The following PRKG1 variants were observed in gnomAD, a reference collection of about 807,000 sequenced individuals.
PRKG1 encodes cGMP-dependent protein kinase 1.
In PRKG1, 35 loss-of-function variants were observed where a neutral mutation model predicts 88.1. That is an observed-to-expected ratio of 0.40 (90% CI 0.30 to 0.53). PRKG1 has a LOEUF of 0.53. Ranked by LOEUF, PRKG1 falls within the 20% of genes least tolerant of loss-of-function variation. The pLI is 0.59. For synonymous variants in PRKG1, 303 were observed against 292.5 expected (o/e 1.04, Z -0.37); for missense variants, 540 against 839.8 (o/e 0.64, Z 4.41).
At chr10:51,457,938 A>T (rs1323290819) in intron 2 of PRKG1, among the ~76,000 whole-genome samples, 1 of 152,160 alleles carries the variant, frequency 6.6e-6, no homozygotes, top group African/African-American at 2.4e-5. Context: ...TCTCACCCCC[A>T]ACCTGCCCCA....
chr10:52,264,062 T>C (rs1841503249), intron 10 of PRKG1, among the ~76,000 whole-genome samples: 1 of 152,132 alleles, frequency 6.6e-6, no homozygotes, highest in African/African-American at 2.4e-5. Context: ...GTTTTATGGC[T>C]TCTGTATACC....
At chr10:51,478,546 T>C (rs1840266321) in intron 3 of PRKG1, among the ~76,000 whole-genome samples, 1 of 152,098 alleles carries the variant, frequency 6.6e-6, no homozygotes, top group African/African-American at 2.4e-5. Context: ...TTTATCTAAA[T>C]TTTGAATTTA....
At chr10:51,313,006 A>C (rs536123246) in intron 2 of PRKG1, among the ~76,000 whole-genome samples, 3 of 151,984 alleles carry the variant, frequency 2.0e-5, no homozygotes, top group African/African-American at 7.2e-5. Flanking sequence ...ACATGGGCTG[A>C]TATCATTATT....
intron 3 of PRKG1, among the ~76,000 whole-genome samples, chr10:51,616,084 T>C (rs965033321): frequency 2.0e-5 from 3 of 152,194 alleles, no homozygotes; most frequent in Non-Finnish European, 4.4e-5. Context: ...AACAGCATCA[T>C]TGTTATTTAT....
At chr10:52,207,795 A>G (rs538167964) in intron 9 of PRKG1, among the ~76,000 whole-genome samples, 166 of 152,228 alleles carry the variant, frequency 1.1e-3, no homozygotes, top group Non-Finnish European at 1.9e-3. Context: ...ATTGCTCATC[A>G]GCCCCATGCA....
chr10:52,239,345 T>TAA (rs35340011), intron 9 of PRKG1, among the ~76,000 whole-genome samples: 37,480 of 139,476 alleles, frequency 0.27, 5,826 homozygotes, highest in East Asian at 0.42. Flanking sequence ...TAAATAAAAT[T>TAA]AAAAAAAAAA....
At chr10:51,372,024 C>T (rs1448676716) in intron 2 of PRKG1, among the ~76,000 whole-genome samples, 1 of 152,092 alleles carries the variant, frequency 6.6e-6, no homozygotes, top group Non-Finnish European at 1.5e-5. Flanking sequence ...AAAGTCAAAA[C>T]CTGCATCATT....
intron 2 of PRKG1, among the ~76,000 whole-genome samples, chr10:51,360,099 C>T (rs1038123645): frequency 2.0e-5 from 3 of 151,856 alleles, no homozygotes; most frequent in African/African-American, 7.2e-5. Flanking sequence ...CTAATTAGAT[C>T]GTTGACACTT....
intron 3 of PRKG1, among the ~76,000 whole-genome samples, chr10:51,711,948 A>T (rs1440365344): frequency 6.6e-6 from 1 of 152,110 alleles, no homozygotes; most frequent in Admixed American, 6.6e-5. Flanking sequence ...GGAAAAATAT[A>T]TTTTCCTCAC....
chr10:51,651,910 A>G (rs1229306704), intron 3 of PRKG1, among the ~76,000 whole-genome samples: 1 of 152,128 alleles, frequency 6.6e-6, no homozygotes, highest in Non-Finnish European at 1.5e-5. Context: ...TAAATATTTG[A>G]ATGATAGCAT....
chr10:51,348,793 GTGTAC>G (rs2132560033), intron 2 of PRKG1, among the ~76,000 whole-genome samples: 1 of 152,250 alleles, frequency 6.6e-6, no homozygotes, highest in African/African-American at 2.4e-5. Flanking sequence ...ACTGAGTGAA[GTGTAC>G]TGCATCCATT....
chr10:51,478,513 C>T (rs556866784), intron 3 of PRKG1, among the ~76,000 whole-genome samples: 1 of 152,104 alleles, frequency 6.6e-6, no homozygotes, highest in African/African-American at 2.4e-5. Flanking sequence ...AATTTTATAT[C>T]CTTAATTTAT....
At chr10:51,386,475 A>G (rs1298729392) in intron 2 of PRKG1, among the ~76,000 whole-genome samples, 2 of 152,174 alleles carry the variant, frequency 1.3e-5, no homozygotes, top group Non-Finnish European at 2.9e-5. Context: ...CCAATGAGCT[A>G]GAGGCCCAAG....
intron 7 of PRKG1, among the ~76,000 whole-genome samples, chr10:52,072,027 C>T (rs1465737424): frequency 6.6e-6 from 1 of 151,996 alleles, no homozygotes; most frequent in Non-Finnish European, 1.5e-5. Flanking sequence ...GTCCCAGTCG[C>T]CCTCTCCCGT....
At chr10:51,489,343 A>G (rs1182724415) in intron 3 of PRKG1, among the ~76,000 whole-genome samples, 10 of 152,182 alleles carry the variant, frequency 6.6e-5, no homozygotes, top group Non-Finnish European at 1.5e-4. Flanking sequence ...AAAGAACAGA[A>G]TGAATTTTGG....
intron 3 of PRKG1, among the ~76,000 whole-genome samples, chr10:51,585,661 A>G (rs886421537): frequency 6.6e-5 from 10 of 152,164 alleles, no homozygotes; most frequent in Non-Finnish European, 1.3e-4. Context: ...AAAAAAGCAC[A>G]TGAACTTGTA....
Position 50,991,846 on chromosome 10 carries a change from C to T in PRKG1, c.266+202C>T, listed in dbSNP as rs1244008517. On this transcript the variant is annotated intron_variant, in intron 1 of 17. Transcript: ENST00000401604. This position sits in a 1 kb window ranked among gnomAD's most constrained non-coding sequence, Gnocchi z 4.5. The stretch of plus-strand genomic sequence containing the variant: ...CATCACGTGCTGTGCTTGTCTCCGC[C>T]GGGCTGGGAAAGGCGAGCTGCACGG... Among the ~76,000 whole-genome samples, 1 of 152,120 alleles carries T rather than the reference C, an allele frequency of 6.6e-6. No homozygotes were observed. The highest frequency in any genetic ancestry group is 1.9e-4 in the East Asian group (1 of 5,180).
chr10:51,759,423 C>T (rs1177567245), intron 3 of PRKG1, among the ~76,000 whole-genome samples: 7 of 152,012 alleles, frequency 4.6e-5, no homozygotes, highest in African/African-American at 1.2e-4. Flanking sequence ...TGCACCACCA[C>T]ACCTGGCTAA....
At chr10:51,345,478 G>A (rs2132554274) in intron 2 of PRKG1, among the ~76,000 whole-genome samples, 1 of 152,126 alleles carries the variant, frequency 6.6e-6, no homozygotes, top group African/African-American at 2.4e-5. Context: ...GCAAAACCAT[G>A]GGATGTATAG....
Sources: allele counts gnomAD v4.1 joint callset (sites outside exome capture counted in the v4.1 genomes callset), GRCh38; gene constraint gnomAD v4.1.1; non-coding constraint Gnocchi (gnomAD v3.1); transcripts MANE v1.5; gene names NCBI Gene and HGNC (gene_info 2026-07-23, HGNC 2026-07-21).